CTNNA3: variants seen among roughly 807,000 people sequenced by gnomAD.
CTNNA3 encodes catenin alpha-3.
In CTNNA3, 76 loss-of-function variants were observed where a neutral mutation model predicts 95.7. That is an observed-to-expected ratio of 0.79 (90% CI 0.66 to 0.96). The LOEUF is 0.96. CTNNA3 is among the 40% of genes least tolerant of loss of function. CTNNA3 has a pLI of 0.00. For missense variants in CTNNA3, 1,191 were observed against 1,089.8 expected (o/e 1.09, Z -1.31); for synonymous variants, 431 against 374.4 (o/e 1.15, Z -1.74).
intron 16 of CTNNA3, among the ~76,000 whole-genome samples, chr10:65,987,589 A>G (rs1295762526): frequency 6.6e-6 from 1 of 152,116 alleles, no homozygotes; most frequent in Non-Finnish European, 1.5e-5. Context: ...GTAAATTAGT[A>G]CAGCCATTAT....
intron 17 of CTNNA3, among the ~76,000 whole-genome samples, chr10:65,961,470 T>C (rs2077841159): frequency 1.3e-5 from 2 of 152,164 alleles, no homozygotes; most frequent in Admixed American, 1.3e-4. Flanking sequence ...CACTGCACCA[T>C]AAATCATGTA....
At chr10:67,480,391 G>A (rs112442265) in intron 5 of CTNNA3, among the ~76,000 whole-genome samples, 2,595 of 152,290 alleles carry the variant, frequency 0.017, 77 homozygotes, top group African/African-American at 0.057. Flanking sequence ...AACAGGCCAT[G>A]AGAAACAAGC....
chr10:66,734,069 T>A (rs1432397764), intron 9 of CTNNA3, among the ~76,000 whole-genome samples: 1 of 152,018 alleles, frequency 6.6e-6, no homozygotes, highest in Non-Finnish European at 1.5e-5. Context: ...TAACCAATAT[T>A]TTTTATTCAA....
chr10:67,001,559 A>T lies in CTNNA3; in HGVS notation c.1047+178758T>A, dbSNP rs575152185. ...TGAAGTAAAACTTTCTAATTATTTTAAAAAACCTTATAATATATCATTACT... is the reference window on the plus strand; with the variant it reads ...TGAAGTAAAACTTTCTAATTATTTTTAAAAACCTTATAATATATCATTACT... On this transcript the variant is annotated intron_variant, in intron 7 of 17. Transcript: ENST00000433211. Among the ~76,000 whole-genome samples, 15 of 152,170 alleles carry T rather than the reference A, an allele frequency of 9.9e-5. No homozygotes were observed. The South Asian group carries it at 2.5e-3, about 25-fold the overall frequency.
At chr10:67,458,155 A>C (rs537103218) in intron 5 of CTNNA3, among the ~76,000 whole-genome samples, 1 of 152,206 alleles carries the variant, frequency 6.6e-6, no homozygotes, top group African/African-American at 2.4e-5. Flanking sequence ...TCCCTCATTT[A>C]CCATCAGAAA....
intron 7 of CTNNA3, among the ~76,000 whole-genome samples, chr10:66,888,523 C>A (rs192047475): frequency 6.6e-6 from 1 of 150,864 alleles, no homozygotes; most frequent in Admixed American, 6.6e-5. Context: ...ATCATGCAGG[C>A]CTTTCAGGTC....
intron 13 of CTNNA3, among the ~76,000 whole-genome samples, chr10:66,195,475 T>C (rs1289146040): frequency 1.4e-5 from 2 of 138,636 alleles, no homozygotes; most frequent in African/African-American, 2.8e-5. Flanking sequence ...ATTTGTATTG[T>C]TATGATCAAA....
chr10:67,039,641 G>A (rs926252731), intron 7 of CTNNA3, among the ~76,000 whole-genome samples: 8 of 151,960 alleles, frequency 5.3e-5, no homozygotes, highest in South Asian at 2.1e-4. Context: ...TTAGTAAAGG[G>A]ACCAGAAAAA....
Position 66,379,345 on chromosome 10 carries a change from A to G in CTNNA3, c.1539T>C (p.His513=), listed in dbSNP as rs377413642. Residue 513 remains histidine, a synonymous_variant, in exon 12 of 18, where the codon CAT becomes CAC. Coordinates refer to ENST00000433211, the MANE Select transcript of CTNNA3 (RefSeq NM_013266.4). ...IDDFLAVSES[H]ILEDVNKCII... is the part of the protein sequence containing the mutation. ...TACACTTGTTGACATCTTCCAAGAT[A>G]TGGCTTTCTGTAAGTAAATGAATCA... 1.2e-6 allele frequency: 2 copies of G among 1,613,656 alleles called. No homozygotes were observed. The highest frequency in any genetic ancestry group is 1.7e-6 in the Non-Finnish European group (2 of 1,179,668).
At chr10:66,318,831 C>T (rs576366777) in intron 12 of CTNNA3, among the ~76,000 whole-genome samples, 1 of 152,072 alleles carries the variant, frequency 6.6e-6, no homozygotes, top group Admixed American at 6.6e-5. Context: ...CCAGAAATAT[C>T]TTTTGAGAAC....
chr10:67,160,648 G>A (rs899342289), intron 7 of CTNNA3, among the ~76,000 whole-genome samples: 8 of 152,024 alleles, frequency 5.3e-5, no homozygotes, highest in Admixed American at 3.9e-4. Context: ...TGTTCCCCAG[G>A]ATGGTCTTAA....
chr10:66,444,005 G>A (rs1020387599), intron 11 of CTNNA3, among the ~76,000 whole-genome samples: 1 of 152,094 alleles, frequency 6.6e-6, no homozygotes, highest in Non-Finnish European at 1.5e-5. Context: ...GAAAGCCAAG[G>A]CTCAAGAACT....
At position 65,917,228 on chromosome 10, in the gene CTNNA3, A is replaced by C. The variant is rs1179517553; in HGVS notation, c.*3102T>G. The C allele has an allele frequency of 6.6e-6, 1 of 152,190 alleles. No homozygotes were observed. Among genetic ancestry groups the C allele is most frequent in the Non-Finnish European group, 1.5e-5 (1 of 68,042 alleles). 9.4% of individuals were successfully genotyped at this position (152,190 alleles called of 1,614,324 possible). On this transcript the variant is annotated 3_prime_UTR_variant, in exon 18 of 18. Transcript: ENST00000433211. ...TAATACATTTGCAATTTGCACTCAT[A>C]TAATAAATAATAAACAGAAAGGAAT... is the stretch of plus-strand genomic sequence containing the variant.
chr10:67,511,453 CAT>C (rs1839625297), intron 5 of CTNNA3, among the ~76,000 whole-genome samples: 1 of 152,098 alleles, frequency 6.6e-6, no homozygotes, highest in African/African-American at 2.4e-5. Flanking sequence ...TTGAGATAAT[CAT>C]GTGGTTTTTG....
intron 6 of CTNNA3, among the ~76,000 whole-genome samples, chr10:67,182,190 C>T (rs371103565): frequency 2.0e-5 from 3 of 152,146 alleles, no homozygotes; most frequent in South Asian, 4.1e-4. Context: ...GAAAAAACTA[C>T]TTTAAAGTTC....
In CTNNA3 at chr10:66,690,432, G is replaced by A. The variant is rs939802842; in HGVS notation, c.1282-68648C>T. On this transcript the variant is annotated intron_variant, in intron 9 of 17. Coordinates refer to ENST00000433211, the MANE Select transcript of CTNNA3 (RefSeq NM_013266.4). ...GCTGGTGTGCTGCACCCATTAACTC[G>A]TCATTTAGCATTAGGTATATCTCCT... 5.3e-5 allele frequency among the ~76,000 whole-genome samples: 8 copies of A among 151,322 alleles called. No homozygotes were observed. In the South Asian group the frequency reaches 6.3e-4, roughly 12 times the overall value.
At chr10:67,379,294 G>A (rs1054386871) in intron 5 of CTNNA3, among the ~76,000 whole-genome samples, 1 of 152,086 alleles carries the variant, frequency 6.6e-6, no homozygotes, top group Admixed American at 6.6e-5. Context: ...CCCCCGCTTG[G>A]ACAAGTCTCT....
intron 1 of CTNNA3, among the ~76,000 whole-genome samples, chr10:67,681,950 G>A (rs1840633004): frequency 6.6e-6 from 1 of 151,928 alleles, no homozygotes; most frequent in African/African-American, 2.4e-5. Context: ...AAGGTCACAA[G>A]ATCAAGACCA....
At chr10:66,730,460 G>A (rs1010545106) in intron 9 of CTNNA3, among the ~76,000 whole-genome samples, 27 of 152,184 alleles carry the variant, frequency 1.8e-4, no homozygotes, top group African/African-American at 6.3e-4. Context: ...TCGGCATGGG[G>A]TGGGGACAGG....
Sources: allele counts gnomAD v4.1 joint callset (sites outside exome capture counted in the v4.1 genomes callset), GRCh38; gene constraint gnomAD v4.1.1; transcripts MANE v1.5; gene names NCBI Gene and HGNC (gene_info 2026-07-23, HGNC 2026-07-21).